GRIN2A: variants seen among roughly 807,000 people sequenced by gnomAD.
The protein encoded by GRIN2A is glutamate receptor ionotropic, NMDA 2A.
In GRIN2A, 22 loss-of-function variants were observed where a neutral mutation model predicts 113.4. The ratio of observed to expected loss-of-function variants is 0.19; its 90% CI spans 0.14 to 0.28. GRIN2A has a LOEUF of 0.28. Among genes scored for constraint, GRIN2A ranks in the 10% least tolerant of loss-of-function variants. The pLI is 1.00. For synonymous variants in GRIN2A, 827 were observed against 738.4 expected (o/e 1.12, Z -1.94); for missense variants, 1,502 against 1,887.0 (o/e 0.80, Z 3.78).
intron 2 of GRIN2A, among the ~76,000 whole-genome samples, chr16:10,053,885 GAAAC>G (rs1399270769): frequency 6.6e-6 from 1 of 151,786 alleles, no homozygotes; most frequent in African/African-American, 2.4e-5. Flanking sequence ...ACAGAATAAA[GAAAC>G]AAAGCCAAAG....
In GRIN2A at chr16:9,755,672, A is replaced by T. The variant is rs1900321453; in HGVS notation, c.*7477T>A. On this transcript the variant is annotated 3_prime_UTR_variant, in exon 13 of 13. Coordinates refer to ENST00000330684, the MANE Select transcript of GRIN2A (RefSeq NM_001134407.3). ...TGGCTTAGACCATGGAGAGGGGGGA[A>T]TGCAGGAAAGGCAGTGTGTGCTCAG... 1 of 200,468 alleles carries T rather than the reference A, an allele frequency of 5.0e-6. No homozygotes were observed. The highest frequency in any genetic ancestry group is 2.3e-5 in the African/African-American group (1 of 43,448). The allele number at this position is 200,468 out of a possible 1,614,324, so 12.4% of individuals were successfully genotyped here.
intron 2 of GRIN2A, among the ~76,000 whole-genome samples, chr16:10,089,280 A>C (rs569759044): frequency 1.3e-5 from 2 of 152,218 alleles, no homozygotes; most frequent in Non-Finnish European, 2.9e-5. Flanking sequence ...TGGAGGTTAA[A>C]GATATATTCA....
At chr16:9,978,472 C>G (rs968549850) in intron 2 of GRIN2A, among the ~76,000 whole-genome samples, 1 of 152,138 alleles carries the variant, frequency 6.6e-6, no homozygotes, top group African/African-American at 2.4e-5. Context: ...TCTCCTCCTC[C>G]TCCCTATCCT....
rs556018930 is a variant in GRIN2A, at chr16:10,068,472, G to C, written c.414+111526C>G. Among the ~76,000 whole-genome samples the C allele has an allele frequency of 8.2e-4, 125 of 152,292 alleles. 1 individual carries two copies. The highest frequency in any genetic ancestry group is 2.9e-3 in the African/African-American group (120 of 41,556). Reference sequence around the variant, plus strand: ...CCAGAGCAGGAGAGAGTAAGTCTTGGGGGGAAGTGCTATACACTTTTAAAT... The same window carrying C: ...CCAGAGCAGGAGAGAGTAAGTCTTGCGGGGAAGTGCTATACACTTTTAAAT... On this transcript the variant is annotated intron_variant, in intron 2 of 12. Transcript: ENST00000330684.
chr16:9,831,459 T>C (rs937993973), intron 8 of GRIN2A, among the ~76,000 whole-genome samples: 2 of 152,044 alleles, frequency 1.3e-5, no homozygotes, highest in Non-Finnish European at 2.9e-5. Flanking sequence ...GTGACCTTTT[T>C]GCTCTGTACA....
chr16:10,093,972 C>T (rs2048235992), intron 2 of GRIN2A, among the ~76,000 whole-genome samples: 1 of 152,214 alleles, frequency 6.6e-6, no homozygotes, highest in Non-Finnish European at 1.5e-5. Context: ...ACTGATGCAT[C>T]ACCCAGTGAG....
intron 2 of GRIN2A, among the ~76,000 whole-genome samples, chr16:10,146,555 T>C (rs1410184945): frequency 5.3e-5 from 8 of 151,956 alleles, no homozygotes; most frequent in Non-Finnish European, 1.0e-4. Flanking sequence ...CCACTGTGCT[T>C]AGCCAGTGAG....
chr16:10,045,899 G>A (rs6497658), intron 2 of GRIN2A, among the ~76,000 whole-genome samples: 96,339 of 152,090 alleles, frequency 0.63, 31,078 homozygotes, highest in East Asian at 0.95. Context: ...TGACCAGATC[G>A]TGTTTCTTTG....
intron 5 of GRIN2A, among the ~76,000 whole-genome samples, chr16:9,847,811 ATATT>A (rs1260822036): frequency 6.7e-6 from 1 of 148,566 alleles, no homozygotes; most frequent in Non-Finnish European, 1.5e-5. Context: ...CAGTAGGGGC[ATATT>A]TATTTATTCC....
At position 10,126,162 on chromosome 16, in the gene GRIN2A, TATATA is replaced by T. The variant is rs765114922; in HGVS notation, c.414+53831_414+53835del. On this transcript the variant is annotated intron_variant, in intron 2 of 12. Coordinates refer to ENST00000330684, the MANE Select transcript of GRIN2A (RefSeq NM_001134407.3). ...GTGTGAGTTGATGGATTTCTTTATA[TATATA>T]TATATTTTTTTTTGAGATAGGATCT... 1.9e-3 allele frequency among the ~76,000 whole-genome samples: 226 copies of T among 118,526 alleles called. 12 individuals are homozygous for T. The highest frequency in any genetic ancestry group is 1.2e-3 in the Non-Finnish European group (65 of 54,322). The allele number at this position is 118,526 out of a possible 152,430, so 77.8% of individuals were successfully genotyped here.
chr16:9,958,522 T>G (rs1567200396), intron 2 of GRIN2A, among the ~76,000 whole-genome samples: 1 of 152,128 alleles, frequency 6.6e-6, no homozygotes, highest in Admixed American at 6.6e-5. Flanking sequence ...GCACAGTATG[T>G]CTGAGGTGTG....
intron 2 of GRIN2A, among the ~76,000 whole-genome samples, chr16:10,163,167 T>C (rs2049838780): frequency 1.3e-5 from 2 of 152,036 alleles, no homozygotes; most frequent in African/African-American, 2.4e-5. Flanking sequence ...ACAGGGAACA[T>C]GGGAGTGGGG....
chr16:9,923,658 A>T (rs536873374), intron 3 of GRIN2A, among the ~76,000 whole-genome samples: 44 of 152,138 alleles, frequency 2.9e-4, no homozygotes, highest in Non-Finnish European at 5.1e-4. Context: ...ATGTTATACC[A>T]CTATACTACG....
At chr16:10,069,339 C>T (rs1017499393) in intron 2 of GRIN2A, among the ~76,000 whole-genome samples, 1 of 152,206 alleles carries the variant, frequency 6.6e-6, no homozygotes, top group Admixed American at 6.5e-5. Context: ...CCACCATTCA[C>T]TGGGTGGTCA....
At chr16:9,860,849 C>T (rs965809340) in intron 4 of GRIN2A, among the ~76,000 whole-genome samples, 1 of 152,100 alleles carries the variant, frequency 6.6e-6, no homozygotes, top group Non-Finnish European at 1.5e-5. Context: ...TCTTCCTCAA[C>T]CACGTGATCC....
chr16:9,794,388 G>A (rs775939931), intron 11 of GRIN2A, among the ~76,000 whole-genome samples: 3 of 152,182 alleles, frequency 2.0e-5, no homozygotes, highest in Non-Finnish European at 4.4e-5. Flanking sequence ...CCATTCTAGA[G>A]GATGAATAAT....
intron 2 of GRIN2A, among the ~76,000 whole-genome samples, chr16:10,022,357 T>A (rs1051589457): frequency 2.1e-5 from 3 of 144,748 alleles, no homozygotes; most frequent in African/African-American, 7.7e-5. Flanking sequence ...ACGTGTACCA[T>A]CCCAGCCACA....
chr16:9,880,971 A>G (rs923283078), intron 4 of GRIN2A, among the ~76,000 whole-genome samples: 24 of 152,190 alleles, frequency 1.6e-4, no homozygotes, highest in Admixed American at 4.6e-4. Flanking sequence ...TGAAAACCAG[A>G]TGTCTTATCT....
chr16:10,038,688 C>A (rs1269081138), intron 2 of GRIN2A, among the ~76,000 whole-genome samples: 1 of 140,608 alleles, frequency 7.1e-6, no homozygotes, highest in African/African-American at 2.6e-5. Context: ...CTATAAAAAA[C>A]ACAAAAAAAA....
Sources: allele counts gnomAD v4.1 joint callset (sites outside exome capture counted in the v4.1 genomes callset), GRCh38; gene constraint gnomAD v4.1.1; transcripts MANE v1.5; gene names NCBI Gene and HGNC (gene_info 2026-07-23, HGNC 2026-07-21).